The following TXNDC16 variants were observed in gnomAD, a reference collection of about 807,000 sequenced individuals.
TXNDC16 encodes the protein thioredoxin domain containing 16.
TXNDC16 carries 74 observed loss-of-function variants against 85.6 expected under a neutral mutation model. The ratio of observed to expected loss-of-function variants is 0.86; its 90% CI spans 0.72 to 1.05. The LOEUF is 1.05. Ranked by LOEUF, TXNDC16 falls within the 50% of genes least tolerant of loss-of-function variation. The pLI is 0.00. For missense variants in TXNDC16, 959 were observed against 947.0 expected (o/e 1.01, Z -0.17); for synonymous variants, 335 against 326.5 (o/e 1.03, Z -0.28).
intron 16 of TXNDC16, among the ~76,000 whole-genome samples, chr14:52,460,140 C>T (rs1247875836): frequency 2.6e-5 from 4 of 152,118 alleles, no homozygotes; most frequent in Admixed American, 6.5e-5. Flanking sequence ...TTTGGGAGGC[C>T]GAGGTGGGAG....
At chr14:52,551,267 T>C (rs1232138186) in intron 1 of TXNDC16, among the ~76,000 whole-genome samples, 1 of 150,162 alleles carries the variant, frequency 6.7e-6, no homozygotes, top group Non-Finnish European at 1.5e-5. Flanking sequence ...GCAAAGCATA[T>C]GACAAAGGCC....
chr14:52,527,900 T>C (rs1490836638), intron 6 of TXNDC16, among the ~76,000 whole-genome samples: 4 of 83,898 alleles, frequency 4.8e-5, no homozygotes, highest in African/African-American at 1.3e-4. Context: ...TTTCACTTAC[T>C]ACATCCTGCA....
At chr14:52,493,216 T>TATATATATATATATATATACACACACAC in intron 9 of TXNDC16, among the ~76,000 whole-genome samples, 169 of 115,858 alleles carry the variant, frequency 1.5e-3, no homozygotes, top group African/African-American at 5.5e-3. Flanking sequence ...TATATATATA[T>TATATATATATATATATATACACACACAC]ACACACACAC....
chr14:52,450,298 G>A (rs1447142644), intron 18 of TXNDC16, among the ~76,000 whole-genome samples: 1 of 151,978 alleles, frequency 6.6e-6, no homozygotes, highest in African/African-American at 2.4e-5. Flanking sequence ...TAGCTACTAT[G>A]AGCAACTATA....
At chr14:52,539,497 T>C (rs2037779909) in intron 4 of TXNDC16, among the ~76,000 whole-genome samples, 1 of 152,184 alleles carries the variant, frequency 6.6e-6, no homozygotes, top group Admixed American at 6.5e-5. Flanking sequence ...AAGTTTCTAT[T>C]TGATCATAAT....
At chr14:52,533,196 A>G (rs979723015) in intron 6 of TXNDC16, among the ~76,000 whole-genome samples, 4 of 152,158 alleles carry the variant, frequency 2.6e-5, no homozygotes, top group Admixed American at 1.3e-4. Context: ...TCCACTTGCT[A>G]AAGTAGACTC....
At chr14:52,439,763 A>G (rs1566527786) in intron 19 of TXNDC16, among the ~76,000 whole-genome samples, 1 of 152,210 alleles carries the variant, frequency 6.6e-6, no homozygotes, top group Non-Finnish European at 1.5e-5. Flanking sequence ...ACATAACTAG[A>G]AGATAACAAG....
chr14:52,464,829 C>G (rs917035313), intron 16 of TXNDC16, among the ~76,000 whole-genome samples: 1 of 151,974 alleles, frequency 6.6e-6, no homozygotes, highest in Admixed American at 6.6e-5. Context: ...GGTCTCAGTA[C>G]TTGGGAGGCT....
At chr14:52,442,426 A>C (rs1383031338) in intron 18 of TXNDC16, among the ~76,000 whole-genome samples, 2 of 152,182 alleles carry the variant, frequency 1.3e-5, no homozygotes, top group Admixed American at 1.3e-4. Context: ...CTTTCTTTAG[A>C]TCGCACTACA....
chr14:52,521,543 T>A (rs900881383), intron 6 of TXNDC16, among the ~76,000 whole-genome samples: 1 of 152,126 alleles, frequency 6.6e-6, no homozygotes, highest in African/African-American at 2.4e-5. Context: ...AGAACCCCAA[T>A]TCATGAGGGA....
chr14:52,491,058 G>A, intron 9 of TXNDC16, 53 bp from the exon 10 acceptor site: 2 of 1,519,054 alleles, frequency 1.3e-6, no homozygotes, highest in Non-Finnish European at 1.8e-6. Context: ...TCCAACATTT[G>A]GATTTAAATT....
intron 16 of TXNDC16, among the ~76,000 whole-genome samples, chr14:52,465,395 A>G (rs1216229780): frequency 6.6e-6 from 1 of 152,104 alleles, no homozygotes; most frequent in Non-Finnish European, 1.5e-5. Context: ...GATCGAGACC[A>G]TCCTGGCTAA....
rs546688350 is a variant in TXNDC16, at chr14:52,453,617, G to A, written c.1842+1707C>T. On this transcript the variant is annotated intron_variant, in intron 18 of 20. Transcript: ENST00000281741. ...CACATGTTCTCACTTATCTGTGGGA[G>A]CTAAAACTTAAAACAATTGAACTCA... is the stretch of plus-strand genomic sequence containing the variant. 5.3e-5 allele frequency among the ~76,000 whole-genome samples: 8 copies of A among 152,304 alleles called. No homozygotes were observed. The East Asian group carries it at 1.5e-3, about 29-fold the overall frequency.
chr14:52,530,773 A>G, intron 6 of TXNDC16, among the ~76,000 whole-genome samples: 1 of 148,118 alleles, frequency 6.8e-6, no homozygotes, highest in South Asian at 2.1e-4. Flanking sequence ...GTATTAGAAG[A>G]TAACAGAAGA....
chr14:52,525,606 G>A (rs1177986604), intron 6 of TXNDC16, among the ~76,000 whole-genome samples: 1 of 151,324 alleles, frequency 6.6e-6, no homozygotes, highest in Admixed American at 6.6e-5. Context: ...GCTGAGGCAG[G>A]AGAACTGCTT....
chr14:52,478,204 C>G (rs2036061919), intron 14 of TXNDC16, among the ~76,000 whole-genome samples: 1 of 151,888 alleles, frequency 6.6e-6, no homozygotes, highest in African/African-American at 2.4e-5. Flanking sequence ...AGTTCATAGC[C>G]CTAACTGCTT....
chr14:52,515,689 G>A (rs896980452), intron 7 of TXNDC16, among the ~76,000 whole-genome samples: 1 of 151,296 alleles, frequency 6.6e-6, no homozygotes, highest in African/African-American at 2.4e-5. Context: ...GTGTGTGTGT[G>A]TGTGTGTGTG....
chr14:52,538,350 G>A (rs1035995893), intron 4 of TXNDC16, among the ~76,000 whole-genome samples: 4 of 152,172 alleles, frequency 2.6e-5, no homozygotes, highest in African/African-American at 7.2e-5. Flanking sequence ...CTAAGTCAAT[G>A]ATGATGTCAG....
rs758078938 is a variant in TXNDC16 at position 52,439,372 on chromosome 14, C to T, written c.2026G>A (p.Gly676Arg). ...GGATCAAAATATGCCCTCAAGATTCCTCTCCCCACTGGAGTATTCTTTCTG... is the reference window on the plus strand; with the variant it reads ...GGATCAAAATATGCCCTCAAGATTCTTCTCCCCACTGGAGTATTCTTTCTG... ...LNLKNTPVGR[G>R]ILRAYFDPLP... Residue 676 changes from glycine to arginine, a missense_variant, in exon 20 of 21, where the codon GGA becomes AGA. Gly to Arg is a moderately radical substitution (Grantham distance 125). Transcript: ENST00000281741. 6.2e-7 allele frequency: 1 copy of T among 1,613,662 alleles called. No individual in the cohort carries two copies. The highest frequency in any genetic ancestry group is 8.5e-7 in the Non-Finnish European group (1 of 1,179,806).
Sources: gnomAD v4.1 joint callset for allele counts (sites outside exome capture counted in the v4.1 genomes callset) on GRCh38, gnomAD v4.1.1 for gene constraint, MANE v1.5 for transcripts, NCBI Gene and HGNC (gene_info 2026-07-23, HGNC 2026-07-21) for gene names.